Variants in JMY observed in about 807,000 individuals in gnomAD.
JMY encodes junction mediating and regulatory protein, p53 cofactor.
Under a neutral mutation model 103.3 loss-of-function variants are expected in JMY, and 46 were observed. That is an observed-to-expected ratio of 0.45 (90% CI 0.35 to 0.57). JMY has a LOEUF of 0.57. Ranked by LOEUF, JMY falls within the 20% of genes least tolerant of loss-of-function variation. The pLI is 0.00. For synonymous variants in JMY, 526 were observed against 489.3 expected (o/e 1.07, Z -0.99); for missense variants, 1,238 against 1,255.2 (o/e 0.99, Z 0.21).
chr5:79,251,737 A>G (rs1745090440), intron 1 of JMY, among the ~76,000 whole-genome samples: 2 of 151,200 alleles, frequency 1.3e-5, no homozygotes, highest in African/African-American at 2.4e-5. Context: ...GTCTATTTCA[A>G]TGAGTTCAAT....
intron 1 of JMY, among the ~76,000 whole-genome samples, chr5:79,274,798 A>G (rs1430340215): frequency 2.6e-5 from 4 of 152,178 alleles, no homozygotes; most frequent in Admixed American, 1.3e-4. Flanking sequence ...TGAATGATAA[A>G]TTGTAGAGCC....
intron 1 of JMY, among the ~76,000 whole-genome samples, chr5:79,258,181 A>G (rs1438983431): frequency 6.6e-6 from 1 of 152,220 alleles, no homozygotes; most frequent in Non-Finnish European, 1.5e-5. Context: ...ACTTATCTAC[A>G]AAGGAAAGAA....
rs547670789 is a variant in JMY at position 79,324,505 on chromosome 5, A to G, written c.*2903A>G. On this transcript the variant is annotated 3_prime_UTR_variant, in exon 11 of 11. Transcript: ENST00000396137. The stretch of plus-strand genomic sequence containing the variant: ...TAAAACAAGTAAATGAGTTTGGGAC[A>G]TTTTGAGATTAATGTTACTGCCCAC... The G allele has an allele frequency of 6.6e-6, 1 of 152,356 alleles. No individual in the cohort carries two copies. The highest frequency in any genetic ancestry group is 2.1e-4 in the South Asian group (1 of 4,834). 9.4% of individuals were successfully genotyped at this position (152,356 alleles called of 1,614,324 possible). A position where few individuals can be genotyped will look rare whatever the true frequency, so the allele number is the denominator to read the frequency against.
chr5:79,300,944 C>A, intron 6 of JMY, 81 bp downstream of exon 6: 2 of 1,222,942 alleles, frequency 1.6e-6, no homozygotes, highest in Non-Finnish European at 2.3e-6. Flanking sequence ...TTAAAACTTG[C>A]TTATGTTTTA....
At chr5:79,246,266 T>C (rs1332242574) in intron 1 of JMY, among the ~76,000 whole-genome samples, 1 of 152,196 alleles carries the variant, frequency 6.6e-6, no homozygotes, top group Non-Finnish European at 1.5e-5. Context: ...CTCCTTGCCG[T>C]CCTATCTAGA....
rs1744522394 is a variant in JMY at position 79,236,870 on chromosome 5, G to A, written c.220G>A (p.Ala74Thr). The change falls in exon 1 of 11, where the codon GCG becomes ACG. Residue 74 changes from alanine to threonine, a missense_variant. Physicochemically the swap from Ala to Thr is moderately conservative, Grantham distance 58. Coordinates refer to ENST00000396137, the MANE Select transcript of JMY (RefSeq NM_152405.5). ...AGGGGGCGCCGAGGCCGGCGGAGCT[G>A]CGTCCGACGGGAGCCGCGGGCCCGG... The part of the protein sequence containing the change: ...ARGGAEAGGA[A>T]SDGSRGPGSP... 2.8e-6 allele frequency: 4 copies of A among 1,421,808 alleles called. No homozygotes were observed. The highest frequency in any genetic ancestry group is 3.7e-6 in the Non-Finnish European group (4 of 1,085,464). The allele number at this position is 1,421,808 out of a possible 1,614,324, so 88.1% of individuals were successfully genotyped here. A position where few individuals can be genotyped will look rare whatever the true frequency, so the allele number is the denominator to read the frequency against.
rs377142936 is a variant in JMY at position 79,278,256 on chromosome 5, T to C, written c.1206+173T>C. ...AATAGGGTTGTAGCCTGAGTATCCATTCTAAAGCACCTCAAAAGGCAATTC... is the reference window on the plus strand; with the variant it reads ...AATAGGGTTGTAGCCTGAGTATCCACTCTAAAGCACCTCAAAAGGCAATTC... On this transcript the variant is annotated intron_variant, in intron 2 of 10. Transcript: ENST00000396137. Among the ~76,000 whole-genome samples, 5 of 152,042 alleles carry C rather than the reference T, an allele frequency of 3.3e-5. No individual in the cohort carries two copies. In the East Asian group the frequency reaches 7.7e-4, roughly 24 times the overall value.
chr5:79,284,935 C>A (rs1304928357), intron 2 of JMY: 3 of 1,502,852 alleles, frequency 2.0e-6, no homozygotes, highest in African/African-American at 2.8e-5. Context: ...GGTCAGAGAG[C>A]CAAAAGGAAG....
chr5:79,284,436 G>A, intron 2 of JMY: 1 of 1,522,980 alleles, frequency 6.6e-7, no homozygotes, highest in East Asian at 2.2e-5. Flanking sequence ...TTCCGGATTT[G>A]GCGGACCCGT....
chr5:79,321,240 A>T (rs1747439357), intron 10 of JMY, among the ~76,000 whole-genome samples: 1 of 152,214 alleles, frequency 6.6e-6, no homozygotes, highest in Non-Finnish European at 1.5e-5. Context: ...AAAGATTGGT[A>T]TTAATCCTGT....
Position 79,314,333 on chromosome 5 carries a change from C to T in JMY, c.2141C>T (p.Pro714Leu), listed in dbSNP as rs772288437. 1 of 1,614,180 alleles carries T rather than the reference C, an allele frequency of 6.2e-7. No homozygotes were observed. Among genetic ancestry groups the T allele is most frequent in the Non-Finnish European group, 8.5e-7 (1 of 1,180,034 alleles). The change falls in exon 9 of 11, where the codon CCT becomes CTT. Residue 714 changes from proline to leucine, a missense_variant. By Grantham distance (98) the Pro-to-Leu change is moderately conservative (BLOSUM62 -3). Coordinates refer to ENST00000396137, the MANE Select transcript of JMY (RefSeq NM_152405.5). ...AHARRKGAAS[P>L]VLQEDHCDSL... ...GCAAGAAGAAAAGGTGCAGCAAGTC[C>T]TGTTCTCCAAGAGGATCATTGTGAC...
chr5:79,248,796 G>A (rs368666418), intron 1 of JMY, among the ~76,000 whole-genome samples: 3 of 151,962 alleles, frequency 2.0e-5, no homozygotes, highest in Admixed American at 1.3e-4. Flanking sequence ...TTCTGTCAGC[G>A]CAGGCTGGAA....
At chr5:79,284,794 C>G in intron 2 of JMY, 3 of 1,575,218 alleles carry the variant, frequency 1.9e-6, no homozygotes, top group Non-Finnish European at 2.6e-6. Context: ...TCCAATATTT[C>G]TTATATTGAA....
intron 2 of JMY, among the ~76,000 whole-genome samples, chr5:79,279,028 C>T (rs887237262): frequency 1.3e-5 from 2 of 151,902 alleles, no homozygotes; most frequent in Non-Finnish European, 2.9e-5. Context: ...TAGTGTGTGA[C>T]AAAGTATATT....
At chr5:79,241,545 G>T (rs1580323425) in intron 1 of JMY, among the ~76,000 whole-genome samples, 1 of 152,274 alleles carries the variant, frequency 6.6e-6, no homozygotes. Context: ...TTTACTTGGG[G>T]ATGGTGAATT....
At chr5:79,289,371 GT>G (rs147612907) in intron 2 of JMY, among the ~76,000 whole-genome samples, 185 of 147,004 alleles carry the variant, frequency 1.3e-3, no homozygotes, top group African/African-American at 4.2e-3. Flanking sequence ...CATTTTGCCT[GT>G]TTTTTTTTTA....
chr5:79,298,443 T>C (rs912840949), intron 4 of JMY, among the ~76,000 whole-genome samples: 1 of 152,228 alleles, frequency 6.6e-6, no homozygotes, highest in African/African-American at 2.4e-5. Flanking sequence ...ATGTTTATCA[T>C]CTAAAGTGGC....
At chr5:79,282,713 A>T (rs1746154730) in intron 2 of JMY, among the ~76,000 whole-genome samples, 2 of 152,216 alleles carry the variant, frequency 1.3e-5, no homozygotes, top group African/African-American at 4.8e-5. Flanking sequence ...TGCTTTAACC[A>T]GGTAATGTGG....
At chr5:79,315,825 G>A (rs1231135205) in intron 9 of JMY, among the ~76,000 whole-genome samples, 175 bp from the exon 10 acceptor site, 4 of 152,076 alleles carry the variant, frequency 2.6e-5, no homozygotes, top group Admixed American at 1.3e-4. Flanking sequence ...CTAAAAAGAA[G>A]GATAATTAGG....
Sources: allele counts gnomAD v4.1 joint callset (sites outside exome capture counted in the v4.1 genomes callset), GRCh38; gene constraint gnomAD v4.1.1; transcripts MANE v1.5; gene names NCBI Gene and HGNC (gene_info 2026-07-23, HGNC 2026-07-21).